SLMAP: variants seen among roughly 807,000 people sequenced by gnomAD.
The protein encoded by SLMAP is sarcolemmal membrane-associated protein.
In SLMAP, 44 loss-of-function variants were observed where a neutral mutation model predicts 128.8. The observed-to-expected ratio is 0.34, with a 90% CI of 0.27 to 0.44. The LOEUF (loss-of-function observed/expected upper bound fraction) is 0.44, where lower values mean the gene tolerates loss of function less well. Ranked by LOEUF, SLMAP falls within the 20% of genes least tolerant of loss-of-function variation. The pLI is 1.00. For synonymous variants in SLMAP, 327 were observed against 348.8 expected (o/e 0.94, Z 0.70); for missense variants, 787 against 985.3 (o/e 0.80, Z 2.69).
chr3:57,905,795 C>T (rs1236810913), intron 17 of SLMAP, among the ~76,000 whole-genome samples: 1 of 151,892 alleles, frequency 6.6e-6, no homozygotes, highest in Non-Finnish European at 1.5e-5. Flanking sequence ...AGCAATAGTC[C>T]TCAACACAGG....
chr3:57,913,438 A>C (rs2096740623), intron 21 of SLMAP, among the ~76,000 whole-genome samples, 163 bp downstream of exon 21: 1 of 151,624 alleles, frequency 6.6e-6, no homozygotes, highest in African/African-American at 2.4e-5. Flanking sequence ...TAAATACTTC[A>C]GCTTTTTTTT....
intron 2 of SLMAP, among the ~76,000 whole-genome samples, chr3:57,821,331 A>C (rs375118875): frequency 1.3e-5 from 2 of 152,190 alleles, no homozygotes; most frequent in South Asian, 4.1e-4. Flanking sequence ...AAATCTTGGC[A>C]AATTAACATC....
chr3:57,778,598 G>A (rs1321894166), intron 2 of SLMAP, among the ~76,000 whole-genome samples: 2 of 138,892 alleles, frequency 1.4e-5, no homozygotes, highest in East Asian at 2.0e-4. Context: ...TTGAGACCAG[G>A]CCTTGCTGTG....
intron 2 of SLMAP, among the ~76,000 whole-genome samples, chr3:57,779,861 T>C (rs1188838280): frequency 6.6e-6 from 1 of 152,146 alleles, no homozygotes; most frequent in Non-Finnish European, 1.5e-5. Context: ...GTCTGTGCTC[T>C]GAATGACTAA....
intron 14 of SLMAP, among the ~76,000 whole-genome samples, chr3:57,874,033 G>A (rs989714899): frequency 3.3e-5 from 5 of 152,056 alleles, no homozygotes; most frequent in African/African-American, 1.2e-4. Context: ...TGAAGCAGGA[G>A]AATCACTTGA....
intron 8 of SLMAP, among the ~76,000 whole-genome samples, chr3:57,859,680 T>C (rs2094958012): frequency 6.6e-6 from 1 of 151,596 alleles, no homozygotes; most frequent in African/African-American, 2.4e-5. Flanking sequence ...GCATAAAGAG[T>C]GCTATAATGG....
chr3:57,781,101 G>A (rs1015460815), intron 2 of SLMAP, among the ~76,000 whole-genome samples: 2 of 151,416 alleles, frequency 1.3e-5, no homozygotes, highest in East Asian at 1.9e-4. Context: ...ATAAATTAGC[G>A]AGGCATGGTG....
At chr3:57,854,856 G>A (rs2094692646) in intron 6 of SLMAP, among the ~76,000 whole-genome samples, 1 of 152,070 alleles carries the variant, frequency 6.6e-6, no homozygotes, top group African/African-American at 2.4e-5. Context: ...TCGCTTAACA[G>A]GCATATGATC....
chr3:57,768,608 T>C (rs1033902209), intron 2 of SLMAP, among the ~76,000 whole-genome samples: 1 of 152,146 alleles, frequency 6.6e-6, no homozygotes, highest in African/African-American at 2.4e-5. Context: ...CTGAGGGTAA[T>C]TAGGAATGTG....
rs749775657 is a variant in SLMAP, at chr3:57,912,584, C to T, written c.1903C>T (p.Arg635Trp). 6.8e-6 allele frequency: 11 copies of T among 1,614,042 alleles called. No individual in the cohort carries two copies. The East Asian group carries it at 1.6e-4, about 23-fold the overall frequency. ...ELKKVRAELE[R>W]WRKAASEYEK... is the part of the protein sequence containing the mutation. ...TAAGAAGGTGAGAGCTGAGCTTGAGCGGTGGCGGAAAGCAGCGTCTGAATA... is the reference window on the plus strand; with the variant it reads ...TAAGAAGGTGAGAGCTGAGCTTGAGTGGTGGCGGAAAGCAGCGTCTGAATA... Residue 635 changes from arginine (R) to tryptophan (W), a missense_variant, in exon 20 of 25, where the codon CGG (arginine) becomes TGG (tryptophan). By Grantham distance (101) the Arg-to-Trp change is moderately radical. This residue lies in a region of SLMAP where 715 missense variants were observed against 843.6 expected (regional missense o/e 0.85). Transcript: ENST00000671191.
chr3:57,803,913 T>C (rs1369986932), intron 2 of SLMAP, among the ~76,000 whole-genome samples: 1 of 152,246 alleles, frequency 6.6e-6, no homozygotes, highest in African/African-American at 2.4e-5. Context: ...TGTCACGTGC[T>C]TTCTACTCTT....
At chr3:57,794,282 C>G (rs1463001570) in intron 2 of SLMAP, among the ~76,000 whole-genome samples, 1 of 152,098 alleles carries the variant, frequency 6.6e-6, no homozygotes, top group Non-Finnish European at 1.5e-5. Context: ...TTTGGCATTT[C>G]TATCTTTGTC....
chr3:57,857,568 C>T (rs1577806572), intron 6 of SLMAP, among the ~76,000 whole-genome samples, 165 bp from the exon 7 acceptor site: 1 of 152,076 alleles, frequency 6.6e-6, no homozygotes, highest in East Asian at 1.9e-4. Flanking sequence ...CAGAGATAAG[C>T]GGGGACTGCT....
In SLMAP at chr3:57,912,663, G is replaced by A. The variant is rs751325602; in HGVS notation, c.1982G>A (p.Cys661Tyr). 6 of 1,613,840 alleles carry A rather than the reference G, an allele frequency of 3.7e-6. No individual in the cohort carries two copies. The highest frequency in any genetic ancestry group is 1.1e-5 in the South Asian group (1 of 91,076). The change falls in exon 20 of 25, where the codon TGT (cysteine) becomes TAT (tyrosine). Residue 661 changes from cysteine to tyrosine, a missense_variant. This residue lies in a region of SLMAP where 715 missense variants were observed against 843.6 expected (regional missense o/e 0.85). Coordinates refer to ENST00000671191, the MANE Select transcript of SLMAP (RefSeq NM_001377540.1). ...QNSFQLRCQQ[C>Y]EDQQREEATR... is the part of the protein sequence containing the mutation. ...AGTTTTCAGCTTAGATGTCAACAGTGTGAGGACCAGCAGAGAGAAGAAGCA... is the reference window on the plus strand; with the variant it reads ...AGTTTTCAGCTTAGATGTCAACAGTATGAGGACCAGCAGAGAGAAGAAGCA...
chr3:57,872,574 G>A lies in SLMAP; in HGVS notation c.1300+876G>A, dbSNP rs556794751. ...GTGGAGGTTGCAGTGAGCCGAGGTC[G>A]TGCCACTGCACTCCAGCCTGGATGA... On this transcript the variant is annotated intron_variant, in intron 14 of 24. Transcript: ENST00000671191. Among the ~76,000 whole-genome samples the A allele has an allele frequency of 2.8e-4, 42 of 152,266 alleles. 1 individual carries two copies. Among genetic ancestry groups the A allele is most frequent in the Non-Finnish European group, 4.7e-4 (32 of 68,018 alleles).
chr3:57,827,836 G>A (rs1331643114), intron 2 of SLMAP, among the ~76,000 whole-genome samples: 1 of 147,192 alleles, frequency 6.8e-6, no homozygotes, highest in Non-Finnish European at 1.5e-5. Flanking sequence ...GCATAGAGGA[G>A]AAGGATATTT....
intron 23 of SLMAP, among the ~76,000 whole-genome samples, chr3:57,923,367 A>G (rs116700020): frequency 0.018 from 2,764 of 152,300 alleles, 72 homozygotes; most frequent in African/African-American, 0.063. Flanking sequence ...GAAATGAAGC[A>G]TTGTACCACC....
chr3:57,757,765 A>G lies in SLMAP; in HGVS notation c.114A>G (p.Arg38=). The G allele has an allele frequency of 1.2e-6, 2 of 1,614,170 alleles. No individual in the cohort carries two copies. The highest frequency in any genetic ancestry group is 1.7e-6 in the Non-Finnish European group (2 of 1,180,018). ...TCGGCCGCTCAGTGGCCCGCTGTCG[A>G]CCAGCGCAGAATAATGCCACTTTTG... ...IKIGRSVARC[R]PAQNNATFDC... Residue 38 remains arginine (R), a synonymous_variant, in exon 2 of 25, where the codon CGA becomes CGG. Coordinates refer to ENST00000671191, the MANE Select transcript of SLMAP (RefSeq NM_001377540.1).
At chr3:57,908,156 C>G in intron 18 of SLMAP, 150 bp downstream of exon 18, 1 of 676,568 alleles carries the variant, frequency 1.5e-6, no homozygotes, top group South Asian at 2.2e-5. Context: ...CCTCTCTAAA[C>G]TTGTGTTTCA....
Sources: allele counts gnomAD v4.1 joint callset (sites outside exome capture counted in the v4.1 genomes callset), GRCh38; gene constraint gnomAD v4.1.1; regional missense constraint gnomAD v4.1.1; transcripts MANE v1.5; gene names NCBI Gene and HGNC (gene_info 2026-07-23, HGNC 2026-07-21).